TRMT11: variants seen among roughly 807,000 people sequenced by gnomAD.
TRMT11 encodes the protein tRNA methyltransferase 11.
A neutral mutation model predicts 62.8 loss-of-function variants in TRMT11; 53 were observed. The ratio of observed to expected loss-of-function variants is 0.84; its 90% confidence interval spans 0.68 to 1.06. The LOEUF (loss-of-function observed/expected upper bound fraction) is 1.06, where lower values mean the gene tolerates loss of function less well. TRMT11 is among the 50% of genes least tolerant of loss of function. The pLI, the probability that TRMT11 is intolerant of heterozygous loss-of-function variation, is 0.00. For synonymous variants in TRMT11, 188 were observed against 190.3 expected, an observed-to-expected ratio of 0.99 and a Z score of 0.10; for missense variants, 556 against 553.4, an observed-to-expected ratio of 1.00 and a Z score of -0.05.
rs538160428 is a variant in TRMT11 at position 126,031,716 on chromosome 6, T to C, written c.1261-6989T>C. Among the ~76,000 whole-genome samples, 27 of 152,280 alleles carry C rather than the reference T, an allele frequency of 1.8e-4. 1 individual carries two copies. The highest frequency in any genetic ancestry group is 6.5e-4 in the African/African-American group (27 of 41,554). On this transcript the variant is annotated intron_variant, in intron 12 of 12. Coordinates refer to ENST00000334379, the MANE Select transcript of TRMT11 (RefSeq NM_001031712.3). ...GAAGACTAAAGAGAGGGAAGCCCAG[T>C]GTTGAGGGACCTTACCTACTGAACA...
intron 17 of TRMT11, among the ~76,000 whole-genome samples, chr6:126,110,006 G>T (rs1777512284): frequency 1.3e-5 from 2 of 152,170 alleles, no homozygotes; most frequent in African/African-American, 4.8e-5. Flanking sequence ...CTCAAATCTG[G>T]CTGGGTCTGA....
chr6:126,050,812 A>G (rs1776194566), intron 16 of TRMT11, among the ~76,000 whole-genome samples: 1 of 152,214 alleles, frequency 6.6e-6, no homozygotes, highest in Non-Finnish European at 1.5e-5. Flanking sequence ...TAGACAATAG[A>G]GACAGATGGA....
At chr6:126,017,175 C>T (rs4141749) in intron 11 of TRMT11, among the ~76,000 whole-genome samples, 107,515 of 152,020 alleles carry the variant, frequency 0.71, 38,549 homozygotes, top group East Asian at 0.95. Context: ...CTTAGTGTAG[C>T]TTAATTTTAA....
intron 21 of TRMT11, among the ~76,000 whole-genome samples, chr6:126,157,848 T>C (rs907428336): frequency 6.6e-6 from 1 of 152,228 alleles, no homozygotes; most frequent in African/African-American, 2.4e-5. Context: ...ATTTAGTCTT[T>C]ACATTTTTAA....
the TRMT11 span, among the ~76,000 whole-genome samples, chr6:126,213,851 C>T: frequency 1.3e-5 from 2 of 151,956 alleles, no homozygotes; most frequent in Non-Finnish European, 2.9e-5. Flanking sequence ...GGCTTTTATT[C>T]TTTCCCATTT....
intron 21 of TRMT11, among the ~76,000 whole-genome samples, chr6:126,119,037 A>G (rs2128194428): frequency 1.3e-5 from 2 of 152,178 alleles, no homozygotes; most frequent in East Asian, 3.9e-4. Context: ...CTTTATTTCC[A>G]TAGAGATCTG....
intron 17 of TRMT11, among the ~76,000 whole-genome samples, chr6:126,083,410 A>G (rs538569330): frequency 1.0e-3 from 156 of 152,232 alleles, no homozygotes; most frequent in African/African-American, 3.4e-3. Flanking sequence ...GTAATCTGCT[A>G]TTTACTTCCA....
At chr6:126,214,555 A>C in the TRMT11 span, among the ~76,000 whole-genome samples, 5 of 151,636 alleles carry the variant, frequency 3.3e-5, no homozygotes, top group African/African-American at 1.2e-4. Flanking sequence ...TAATCCTTTG[A>C]ATTTCTGTGG....
intron 21 of TRMT11, among the ~76,000 whole-genome samples, chr6:126,162,765 A>G (rs1315416049): frequency 6.6e-6 from 1 of 152,116 alleles, no homozygotes; most frequent in Non-Finnish European, 1.5e-5. Flanking sequence ...TATTCCTTGA[A>G]GAGGTCCTTC....
At chr6:126,188,389 C>T (rs1778551071) in intron 1 of TRMT11, among the ~76,000 whole-genome samples, 1 of 151,938 alleles carries the variant, frequency 6.6e-6, no homozygotes, top group Non-Finnish European at 1.5e-5. Context: ...ATGGATTCAA[C>T]ATCATAGTAC....
intron 1 of TRMT11, among the ~76,000 whole-genome samples, chr6:126,181,706 TGAA>T (rs1432549333): frequency 6.6e-6 from 1 of 152,162 alleles, no homozygotes; most frequent in Non-Finnish European, 1.5e-5. Flanking sequence ...GCTCTGGGGA[TGAA>T]GAAGAAGAGG....
intron 17 of TRMT11, among the ~76,000 whole-genome samples, chr6:126,109,113 G>A (rs1303454383): frequency 1.3e-5 from 2 of 151,886 alleles, no homozygotes; most frequent in East Asian, 1.9e-4. Flanking sequence ...CAAATACTTT[G>A]GTGTGTGTTT....
At chr6:126,257,941 T>A in the TRMT11 span, 30 of 1,550,954 alleles carry the variant, frequency 1.9e-5, no homozygotes, top group Non-Finnish European at 2.7e-5. Context: ...TGGGGTGTGC[T>A]CAGCTTCTGC....
chr6:126,227,641 T>G, the TRMT11 span, among the ~76,000 whole-genome samples: 1 of 152,180 alleles, frequency 6.6e-6, no homozygotes, highest in South Asian at 2.1e-4. Context: ...AAATTAACAC[T>G]CTAGATGTTT....
intron 17 of TRMT11, among the ~76,000 whole-genome samples, chr6:126,095,152 T>A (rs940246314): frequency 6.6e-6 from 1 of 152,214 alleles, no homozygotes; most frequent in South Asian, 2.1e-4. Flanking sequence ...ATACTTGAGA[T>A]GGCTGGATAC....
the TRMT11 span, among the ~76,000 whole-genome samples, chr6:126,210,756 A>G: frequency 1.3e-5 from 2 of 152,200 alleles, no homozygotes; most frequent in Admixed American, 1.3e-4. Flanking sequence ...TTCAAGCAAA[A>G]TTCACTGAAT....
chr6:126,187,027 TG>T (rs1227653828), intron 1 of TRMT11, among the ~76,000 whole-genome samples: 2 of 152,154 alleles, frequency 1.3e-5, no homozygotes, highest in African/African-American at 4.8e-5. Flanking sequence ...TTTTATTTAA[TG>T]GCAAAATGAA....
At chr6:126,254,503 C>T in the TRMT11 span, among the ~76,000 whole-genome samples, 17 of 152,302 alleles carry the variant, frequency 1.1e-4, no homozygotes, top group Admixed American at 2.6e-4. Context: ...GCTCCTACAT[C>T]GTGAGTCTCA....
At chr6:126,131,469 T>C (rs1777781166) in intron 21 of TRMT11, among the ~76,000 whole-genome samples, 1 of 151,964 alleles carries the variant, frequency 6.6e-6, no homozygotes, top group Admixed American at 6.6e-5. Flanking sequence ...TATGTCTAAG[T>C]ATATTTCAAG....
Sources: allele counts gnomAD v4.1 joint callset (sites outside exome capture counted in the v4.1 genomes callset), GRCh38; gene constraint gnomAD v4.1.1; transcripts MANE v1.5; gene names NCBI Gene and HGNC (gene_info 2026-07-23, HGNC 2026-07-21).